The following SCAI variants were observed in gnomAD, a reference collection of about 807,000 sequenced individuals.
SCAI encodes suppressor of cancer cell invasion, also known as protein SCAI.
A neutral mutation model predicts 92.2 loss-of-function variants in SCAI; 24 were observed. That is an observed-to-expected ratio of 0.26 (90% confidence interval 0.19 to 0.37). The LOEUF (loss-of-function observed/expected upper bound fraction) is 0.37. Among genes scored for constraint, SCAI ranks in the 10% least tolerant of loss-of-function variants. The pLI is 1.00. For synonymous variants in SCAI, 261 were observed against 258.6 expected (o/e 1.01, Z -0.09); for missense variants, 450 against 736.2 (o/e 0.61, Z 4.50).
intron 7 of SCAI, among the ~76,000 whole-genome samples, chr9:125,019,519 G>A (rs1006153456): frequency 2.6e-4 from 40 of 151,996 alleles, no homozygotes; most frequent in Non-Finnish European, 1.0e-4. Context: ...AAAAAATGAG[G>A]CTGGATGCAG....
intron 2 of SCAI, among the ~76,000 whole-genome samples, chr9:125,078,283 T>A (rs1438782573): frequency 6.6e-6 from 1 of 152,086 alleles, no homozygotes; most frequent in Non-Finnish European, 1.5e-5. Context: ...TCCCAGCACT[T>A]TGGAAGGCCG....
chr9:125,002,017 C>T lies in SCAI; in HGVS notation c.1092G>A (p.Leu364=). 6.2e-7 allele frequency: 1 copy of T among 1,613,784 alleles called. No homozygotes were observed. Among genetic ancestry groups the T allele is most frequent in the Non-Finnish European group, 8.5e-7 (1 of 1,179,700 alleles). Residue 364 remains leucine, a synonymous_variant, in exon 12 of 18, where the codon CTG becomes CTA. Transcript: ENST00000336505. ...FKELPANSVL[L]IYLSATGVFP... ...AAACGCCAGTGGCCGACAGGTAAAT[C>T]AGAAGCACGCTATTGGCAGGCAGCT...
chr9:125,126,561 G>A (rs796339832), intron 2 of SCAI, among the ~76,000 whole-genome samples: 1 of 135,396 alleles, frequency 7.4e-6, no homozygotes, highest in Admixed American at 7.4e-5. Flanking sequence ...TGGGTGGGTG[G>A]GTGTGGGTGT....
chr9:125,087,617 A>T (rs2131190537), intron 2 of SCAI, among the ~76,000 whole-genome samples: 1 of 152,374 alleles, frequency 6.6e-6, no homozygotes, highest in South Asian at 2.1e-4. Flanking sequence ...AATAATTAGA[A>T]AAAAGTACTT....
At chr9:125,076,918 T>C (rs1487418342) in intron 2 of SCAI, among the ~76,000 whole-genome samples, 10 of 152,216 alleles carry the variant, frequency 6.6e-5, no homozygotes, top group Admixed American at 3.9e-4. Flanking sequence ...GCCAGGTTGG[T>C]CTCGAACTCC....
At chr9:125,095,094 C>A (rs751865311) in intron 2 of SCAI, among the ~76,000 whole-genome samples, 6 of 152,234 alleles carry the variant, frequency 3.9e-5, no homozygotes, top group Admixed American at 1.3e-4. Flanking sequence ...GACATTACCT[C>A]TGCAGAGCTA....
At chr9:124,954,091 C>T (rs1404156527) in intron 17 of SCAI, among the ~76,000 whole-genome samples, 1 of 151,512 alleles carries the variant, frequency 6.6e-6, no homozygotes, top group Admixed American at 6.6e-5. Context: ...CTACACGCCT[C>T]GGGCCTCCCC....
chr9:125,026,491 A>G (rs3824507), intron 6 of SCAI, among the ~76,000 whole-genome samples: 26,111 of 152,136 alleles, frequency 0.17, 2,400 homozygotes, highest in East Asian at 0.24. Flanking sequence ...AAGATTACAC[A>G]GGCTAAAGAA....
chr9:124,962,637 A>G (rs1831463092), intron 17 of SCAI, among the ~76,000 whole-genome samples: 1 of 152,298 alleles, frequency 6.6e-6, no homozygotes, highest in Middle Eastern at 3.4e-3. Context: ...TAATTATCTT[A>G]AAATGGCATG....
intron 2 of SCAI, among the ~76,000 whole-genome samples, chr9:125,067,651 T>C (rs149407601): frequency 1.5e-3 from 226 of 152,324 alleles, no homozygotes; most frequent in African/African-American, 5.0e-3. Flanking sequence ...TAAATTTCTG[T>C]TGTTTTAAGC....
chr9:124,992,396 T>G lies in SCAI; in HGVS notation c.1326+2538A>C, dbSNP rs143244036. The stretch of plus-strand genomic sequence containing the variant: ...GTTCTCTTTTCATTTCTTTTTTTTT[T>G]TTGTTGAGACAGAATCTCACTCTGT... On this transcript the variant is annotated intron_variant, in intron 14 of 17. Coordinates refer to ENST00000336505, the MANE Select transcript of SCAI (RefSeq NM_001144877.3). 2.8e-3 allele frequency among the ~76,000 whole-genome samples: 430 copies of G among 152,100 alleles called. 2 individuals are homozygous for G. The highest frequency in any genetic ancestry group is 8.7e-3 in the African/African-American group (359 of 41,498).
At chr9:125,056,154 G>A in intron 2 of SCAI, 147 bp from the exon 3 acceptor site, 1 of 630,814 alleles carries the variant, frequency 1.6e-6, no homozygotes, top group East Asian at 3.1e-5. Context: ...TAATTTAAGT[G>A]TAAGATACTG....
chr9:124,968,405 C>T, intron 17 of SCAI: 1 of 1,133,542 alleles, frequency 8.8e-7, no homozygotes. Flanking sequence ...CGTGGGAGTA[C>T]ACCCAGTTTT....
chr9:125,127,405 A>ATTT (rs11399082), intron 2 of SCAI, among the ~76,000 whole-genome samples: 2 of 140,826 alleles, frequency 1.4e-5, no homozygotes, highest in African/African-American at 2.6e-5. Flanking sequence ...CCAGGGCAGA[A>ATTT]TTTTTTTTTT....
At chr9:124,994,873 G>C (rs1189307819) in intron 14 of SCAI, 61 bp downstream of exon 14, 1 of 1,042,834 alleles carries the variant, frequency 9.6e-7, no homozygotes, top group Non-Finnish European at 1.5e-6. Flanking sequence ...CACATTAAGA[G>C]TGGGTACCCT....
chr9:125,050,135 T>C (rs1428499855), intron 3 of SCAI, among the ~76,000 whole-genome samples: 1 of 151,556 alleles, frequency 6.6e-6, no homozygotes, highest in Non-Finnish European at 1.5e-5. Flanking sequence ...AAGGGCTTAA[T>C]ATTAAAAACT....
chr9:125,054,482 T>G (rs1781859459), intron 3 of SCAI, among the ~76,000 whole-genome samples: 1 of 151,448 alleles, frequency 6.6e-6, no homozygotes, highest in Non-Finnish European at 1.5e-5. Context: ...ATACAGAATA[T>G]GGTACATACT....
At position 125,065,220 on chromosome 9, in the gene SCAI, AAAC is replaced by A. The variant is rs775660332; in HGVS notation, c.99-9216_99-9214del. Among the ~76,000 whole-genome samples, 14 of 152,310 alleles carry A rather than the reference AAAC, an allele frequency of 9.2e-5. No individual in the cohort carries two copies. The South Asian group carries it at 2.7e-3, about 29-fold the overall frequency. On this transcript the variant is annotated intron_variant, in intron 2 of 17. Transcript: ENST00000336505. ...GCAAGAATGACCCACGGGGGAAAAAAAACAACAACAGAGAATAACTAATATCAA... is the reference window on the plus strand; with the variant it reads ...GCAAGAATGACCCACGGGGGAAAAAAAACAACAGAGAATAACTAATATCAA...
At chr9:125,066,177 T>C (rs976336198) in intron 2 of SCAI, 4 of 530,226 alleles carry the variant, frequency 7.5e-6, no homozygotes, top group African/African-American at 4.0e-5. Context: ...AATTAACCAG[T>C]GGGTTTAGCA....
Sources: gnomAD v4.1 joint callset for allele counts (sites outside exome capture counted in the v4.1 genomes callset) on GRCh38, gnomAD v4.1.1 for gene constraint, MANE v1.5 for transcripts, NCBI Gene and HGNC (gene_info 2026-07-23, HGNC 2026-07-21) for gene names.